ARL6: variants seen among roughly 807,000 people sequenced by gnomAD.
The protein encoded by ARL6 is ARF like GTPase 6.
In ARL6, 18 loss-of-function variants were observed where a neutral mutation model predicts 27.1. The observed-to-expected ratio is 0.66, with a 90% CI of 0.46 to 0.98. The LOEUF (loss-of-function observed/expected upper bound fraction) is 0.98. Among genes scored for constraint, ARL6 ranks in the 50% least tolerant of loss-of-function variants. The probability of loss-of-function intolerance (pLI) is 0.00; values close to 1 mark genes in which losing one functional copy is unlikely to be tolerated. For synonymous variants in ARL6, 65 were observed against 72.3 expected (o/e 0.90, Z 0.51); for missense variants, 187 against 214.9 (o/e 0.87, Z 0.81).
intron 7 of ARL6, among the ~76,000 whole-genome samples, chr3:97,796,581 A>C (rs986181672): frequency 2.6e-5 from 4 of 152,170 alleles, no homozygotes; most frequent in African/African-American, 9.7e-5. Context: ...CTAGAACTAA[A>C]TTGATGAGTT....
chr3:97,768,540 G>A (rs1341099731), intron 2 of ARL6, among the ~76,000 whole-genome samples: 1 of 152,030 alleles, frequency 6.6e-6, no homozygotes, highest in Middle Eastern at 3.2e-3. Flanking sequence ...ACAGAGAAAG[G>A]TGAAACATTT....
intron 4 of ARL6, 126 bp downstream of exon 4, chr3:97,780,809 A>G: frequency 1.3e-6 from 1 of 741,812 alleles, no homozygotes; most frequent in East Asian, 2.6e-5. Context: ...AACATTTCCT[A>G]TTTTAAAAAA....
At chr3:97,785,361 A>G (rs1235596093) in intron 5 of ARL6, among the ~76,000 whole-genome samples, 1 of 150,668 alleles carries the variant, frequency 6.6e-6, no homozygotes, top group Non-Finnish European at 1.5e-5. Context: ...ATCAGATGGA[A>G]AAATAAAATA....
intron 4 of ARL6, among the ~76,000 whole-genome samples, chr3:97,783,255 C>T (rs888107639): frequency 3.3e-5 from 5 of 151,672 alleles, no homozygotes; most frequent in African/African-American, 7.2e-5. Flanking sequence ...AAATATATAA[C>T]ATATACTTTA....
chr3:97,775,640 T>C (rs1005631393), intron 2 of ARL6, among the ~76,000 whole-genome samples: 2 of 152,172 alleles, frequency 1.3e-5, no homozygotes, highest in Non-Finnish European at 2.9e-5. Flanking sequence ...AATTGACACT[T>C]AGTATTAACC....
intron 4 of ARL6, 130 bp from the exon 5 acceptor site, chr3:97,784,825 A>G (rs2037370129): frequency 6.6e-6 from 4 of 606,546 alleles, no homozygotes; most frequent in African/African-American, 3.7e-5. Context: ...AAACAACACC[A>G]AAAATTCTAA....
chr3:97,776,840 G>A (rs535861775), intron 2 of ARL6, among the ~76,000 whole-genome samples: 1 of 152,112 alleles, frequency 6.6e-6, no homozygotes, highest in South Asian at 2.1e-4. Flanking sequence ...TGTATTTTTA[G>A]TAGAGACGAG....
At chr3:97,784,136 A>G (rs749673830) in intron 4 of ARL6, among the ~76,000 whole-genome samples, 6 of 151,888 alleles carry the variant, frequency 4.0e-5, no homozygotes, top group Non-Finnish European at 7.4e-5. Context: ...GAAATAACCT[A>G]AAAGTCCAGC....
intron 2 of ARL6, among the ~76,000 whole-genome samples, chr3:97,768,812 GA>G (rs2036507289): frequency 6.6e-6 from 1 of 151,966 alleles, no homozygotes; most frequent in East Asian, 1.9e-4. Flanking sequence ...TGCCTTATCA[GA>G]AAAACTGACC....
intron 1 of ARL6, 64 bp from the exon 2 acceptor site, chr3:97,768,017 C>G: frequency 1.4e-6 from 2 of 1,410,670 alleles, no homozygotes; most frequent in Non-Finnish European, 2.0e-6. Flanking sequence ...TTTTAATACA[C>G]CTACCAATAT....
Position 97,787,997 on chromosome 3 carries a change from A to G in ARL6, c.357A>G (p.Lys119=). 1 of 1,613,388 alleles carries G rather than the reference A, an allele frequency of 6.2e-7. No homozygotes were observed. The highest frequency in any genetic ancestry group is 8.5e-7 in the Non-Finnish European group (1 of 1,179,542). The part of the protein sequence containing the change: ...LDTLLNHPDI[K]HRRIPILFFA... Reference sequence around the variant, plus strand: ...TCTTATTTTCTCTTTTAGATATTAAACACCGTCGAATTCCAATCTTATTCT... The same window carrying G: ...TCTTATTTTCTCTTTTAGATATTAAGCACCGTCGAATTCCAATCTTATTCT... The change falls in exon 6 of 8, where the codon AAA becomes AAG. Residue 119 remains lysine, a synonymous_variant. Coordinates refer to ENST00000463745, the MANE Select transcript of ARL6 (RefSeq NM_001278293.3).
At chr3:97,775,720 A>G (rs1004685019) in intron 2 of ARL6, among the ~76,000 whole-genome samples, 1 of 152,126 alleles carries the variant, frequency 6.6e-6, no homozygotes, top group African/African-American at 2.4e-5. Context: ...AAGCATGTTA[A>G]TTTCCATGTG....
chr3:97,765,324 G>A (rs1296018544), intron 1 of ARL6, among the ~76,000 whole-genome samples: 1 of 151,480 alleles, frequency 6.6e-6, no homozygotes, highest in African/African-American at 2.4e-5. Flanking sequence ...ATAAAAGTAG[G>A]CAACATTTCA....
intron 3 of ARL6, 58 bp downstream of exon 3, chr3:97,780,278 C>A: frequency 1.5e-6 from 2 of 1,298,424 alleles, no homozygotes; most frequent in Non-Finnish European, 2.2e-6. Flanking sequence ...AATATTAGGT[C>A]TACCTGGTCA....
Position 97,800,553 on chromosome 3 carries a change from A to G in ARL6, c.*2504A>G, listed in dbSNP as rs2038209229. On this transcript the variant is annotated 3_prime_UTR_variant, in exon 8 of 8. Coordinates refer to ENST00000463745, the MANE Select transcript of ARL6 (RefSeq NM_001278293.3). ...ATAAATCACAAAAGAGCTGGGTTTTATATGTTTGTTTTTTATTTCTAAGCT... is the reference window on the plus strand; with the variant it reads ...ATAAATCACAAAAGAGCTGGGTTTTGTATGTTTGTTTTTTATTTCTAAGCT... The G allele has an allele frequency of 6.6e-6, 1 of 151,194 alleles. No homozygotes were observed. The highest frequency in any genetic ancestry group is 2.4e-5 in the African/African-American group (1 of 41,400). The allele number at this position is 151,194 out of a possible 1,614,324, so 9.4% of individuals were successfully genotyped here.
intron 2 of ARL6, among the ~76,000 whole-genome samples, chr3:97,769,222 T>C (rs2036528916): frequency 6.6e-6 from 1 of 152,094 alleles, no homozygotes; most frequent in Non-Finnish European, 1.5e-5. Context: ...TTTATGTTTA[T>C]TTATTGTTAA....
intron 6 of ARL6, among the ~76,000 whole-genome samples, chr3:97,788,950 C>T (rs72934160): frequency 6.6e-6 from 1 of 152,082 alleles, no homozygotes; most frequent in Non-Finnish European, 1.5e-5. Flanking sequence ...AGAGTTTCCC[C>T]CTTTTTATAA....
chr3:97,773,955 T>A (rs1360672171), intron 2 of ARL6, among the ~76,000 whole-genome samples: 1 of 152,202 alleles, frequency 6.6e-6, no homozygotes, highest in East Asian at 1.9e-4. Flanking sequence ...GAGGGTCTGG[T>A]CCATATGTAG....
chr3:97,771,656 A>G (rs2036642003), intron 2 of ARL6, among the ~76,000 whole-genome samples: 1 of 152,096 alleles, frequency 6.6e-6, no homozygotes, highest in African/African-American at 2.4e-5. Context: ...TAATATTAGT[A>G]TATTAGCCAT....
Sources: gnomAD v4.1 joint callset for allele counts (sites outside exome capture counted in the v4.1 genomes callset) on GRCh38, gnomAD v4.1.1 for gene constraint, MANE v1.5 for transcripts, NCBI Gene and HGNC (gene_info 2026-07-23, HGNC 2026-07-21) for gene names.